Variants in DDX60 observed in about 807,000 individuals in gnomAD.
DDX60 encodes probable ATP-dependent RNA helicase DDX60.
In DDX60, 165 loss-of-function variants were observed where a neutral mutation model predicts 212.8. The observed-to-expected ratio is 0.78, with a 90% confidence interval of 0.68 to 0.88. DDX60 has a LOEUF of 0.88. DDX60 is among the 40% of genes least tolerant of loss of function. DDX60 has a pLI of 0.00. For missense variants in DDX60, 1,905 were observed against 2,003.9 expected (o/e 0.95, Z 0.94); for synonymous variants, 703 against 685.3 (o/e 1.03, Z -0.40).
chr4:168,325,524 AATTT>A, the DDX60 span, among the ~76,000 whole-genome samples: 4 of 152,254 alleles, frequency 2.6e-5, no homozygotes, highest in Non-Finnish European at 4.4e-5. Context: ...TGTCAATAAC[AATTT>A]ATTTACAGAA....
In DDX60 at chr4:168,283,592, G is replaced by T; in HGVS notation, c.1576C>A (p.Pro526Thr). The change falls in exon 13 of 38, where the codon CCT becomes ACT. Residue 526 changes from proline to threonine, a missense_variant. Physicochemically the swap from Pro to Thr is conservative, Grantham distance 38. Transcript: ENST00000393743. Reference sequence around the variant, plus strand: ...TTTTGCACAGATCTAAGAACACGAGGGTCTCTAGATTTTTCTGAAAAAGAA... The same window carrying T: ...TTTTGCACAGATCTAAGAACACGAGTGTCTCTAGATTTTTCTGAAAAAGAA... Reference protein sequence around the residue: ...RCQFDEKSRDPRVLRSVQKYH... With the variant: ...RCQFDEKSRDTRVLRSVQKYH... The T allele has an allele frequency of 6.3e-7, 1 of 1,594,954 alleles. No homozygotes were observed. Among genetic ancestry groups the T allele is most frequent in the Non-Finnish European group, 8.5e-7 (1 of 1,172,130 alleles).
intron 22 of DDX60, among the ~76,000 whole-genome samples, chr4:168,264,302 C>T (rs1396304461): frequency 1.3e-5 from 2 of 152,110 alleles, no homozygotes; most frequent in East Asian, 3.9e-4. Flanking sequence ...GAACGTAAAA[C>T]AATTCCTGGA....
intron 1 of DDX60, among the ~76,000 whole-genome samples, chr4:168,317,448 G>A (rs1237165188): frequency 1.3e-5 from 2 of 151,852 alleles, no homozygotes; most frequent in Admixed American, 6.6e-5. Flanking sequence ...GAAGAGGAAA[G>A]GCGCAAAGGG....
intron 33 of DDX60, among the ~76,000 whole-genome samples, chr4:168,229,326 A>G (rs1182676528): frequency 2.6e-5 from 4 of 152,028 alleles, no homozygotes; most frequent in Non-Finnish European, 5.9e-5. Context: ...GGTGTAGAGG[A>G]AGCAGTGGGA....
At position 168,305,132 on chromosome 4, in the gene DDX60, C is replaced by G. The variant is rs542243940; in HGVS notation, c.606+1247G>C. ...CTAGAGTACTCAATACAGTAACATG[C>G]TGTATAGGTTTAGCCTAGGAACAGT... On this transcript the variant is annotated intron_variant, in intron 5 of 37. Coordinates refer to ENST00000393743, the MANE Select transcript of DDX60 (RefSeq NM_017631.6). Among the ~76,000 whole-genome samples, 117 of 152,310 alleles carry G rather than the reference C, an allele frequency of 7.7e-4. 1 individual carries two copies. Among genetic ancestry groups the G allele is most frequent in the African/African-American group, 2.6e-3 (108 of 41,572 alleles).
rs1013886413 is a variant in DDX60 at position 168,249,039 on chromosome 4, C to T, written c.3859-747G>A. On this transcript the variant is annotated intron_variant, in intron 28 of 37. Coordinates refer to ENST00000393743, the MANE Select transcript of DDX60 (RefSeq NM_017631.6). ...CCTCCCAAAATGCTGGGATTACAGG[C>T]GTGAGCCACTGCGCCAGGCCCAGTA... Among the ~76,000 whole-genome samples, 2 of 152,110 alleles carry T rather than the reference C, an allele frequency of 1.3e-5. 1 individual carries two copies. Among genetic ancestry groups the T allele is most frequent in the East Asian group, 3.9e-4 (2 of 5,192 alleles).
chr4:168,288,224 T>C lies in DDX60; in HGVS notation c.1133A>G (p.Glu378Gly). The C allele has an allele frequency of 1.3e-6, 2 of 1,523,486 alleles. No homozygotes were observed. The highest frequency in any genetic ancestry group is 1.8e-6 in the Non-Finnish European group (2 of 1,115,180). 94.4% of individuals were successfully genotyped at this position (1,523,486 alleles called of 1,614,324 possible). A position where few individuals can be genotyped will look rare whatever the true frequency, so the allele number is the denominator to read the frequency against. ...NLIHLSDLNDELLLKNIAFYY... is the reference protein window; with the variant it reads ...NLIHLSDLNDGLLLKNIAFYY... ...AAAAGCAATATTCTTCAACAAAAGCTCATCATTTAAGTCAGAAAGGTGAAT... is the reference window on the plus strand; with the variant it reads ...AAAAGCAATATTCTTCAACAAAAGCCCATCATTTAAGTCAGAAAGGTGAAT... The change falls in exon 9 of 38, where the codon GAG (glutamate) becomes GGG (glycine). Residue 378 changes from glutamate (E) to glycine (G), a missense_variant. By Grantham distance (98) the Glu-to-Gly change is moderately conservative. Coordinates refer to ENST00000393743, the MANE Select transcript of DDX60 (RefSeq NM_017631.6).
intron 30 of DDX60, among the ~76,000 whole-genome samples, chr4:168,239,001 A>G (rs2149497709): frequency 6.6e-6 from 1 of 152,260 alleles, no homozygotes; most frequent in East Asian, 1.9e-4. Flanking sequence ...AATTTCATAC[A>G]TCCTATTGCT....
intron 16 of DDX60, among the ~76,000 whole-genome samples, chr4:168,274,753 C>G (rs1468609209): frequency 7.4e-6 from 1 of 134,830 alleles, no homozygotes; most frequent in Admixed American, 7.1e-5. Flanking sequence ...TTAACCTACC[C>G]CACCATCATA....
Position 168,284,836 on chromosome 4 carries a change from G to A in DDX60, c.1545C>T (p.Ser515=). The change falls in exon 12 of 38, where the codon TCC becomes TCT. Residue 515 remains serine, a synonymous_variant. Coordinates refer to ENST00000393743, the MANE Select transcript of DDX60 (RefSeq NM_017631.6). ...AGAGCTTACCATCAAACTGACACCT[G>A]GACCTGTCATAATCATCACTCAGGG... is the stretch of plus-strand genomic sequence containing the variant. ...HKPLSDDYDR[S]RCQFDEKSRD... 1 of 1,549,780 alleles carries A rather than the reference G, an allele frequency of 6.5e-7. No individual in the cohort carries two copies.
chr4:168,286,389 T>TACACACACACACACAC (rs71867661), intron 10 of DDX60, among the ~76,000 whole-genome samples: 7,058 of 133,558 alleles, frequency 0.053, 331 homozygotes, highest in African/African-American at 0.12. Flanking sequence ...CTTGATTTTA[T>TACACACACACACACAC]ACACACACAC....
At chr4:168,263,477 G>A (rs979734195) in intron 22 of DDX60, 4 of 152,216 alleles carry the variant, frequency 2.6e-5, no homozygotes, top group African/African-American at 9.7e-5. Context: ...TCTCTGAGAT[G>A]TTAATAGGAA....
chr4:168,240,076 C>G (rs1167932133), intron 30 of DDX60, among the ~76,000 whole-genome samples: 2 of 151,908 alleles, frequency 1.3e-5, no homozygotes, highest in Admixed American at 6.6e-5. Flanking sequence ...CTAGAAAACC[C>G]CATCATCTCA....
At chr4:168,282,271 T>G (rs759303619) in intron 13 of DDX60, among the ~76,000 whole-genome samples, 1 of 152,104 alleles carries the variant, frequency 6.6e-6, no homozygotes, top group Non-Finnish European at 1.5e-5. Flanking sequence ...TTAGAGTAAT[T>G]TGTGATTATT....
chr4:168,272,988 A>G (rs1409182021), intron 18 of DDX60, among the ~76,000 whole-genome samples: 23 of 152,224 alleles, frequency 1.5e-4, no homozygotes, highest in Non-Finnish European at 1.5e-5. Context: ...TTAATTTTCT[A>G]TAACATAGCA....
chr4:168,292,044 T>TATTTATTTC, intron 7 of DDX60, 138 bp from the exon 8 acceptor site: 1 of 483,072 alleles, frequency 2.1e-6, no homozygotes, highest in Non-Finnish European at 3.2e-6. Context: ...TTTCTTTCTT[T>TATTTATTTC]CTTTCTTTTT....
upstream of DDX60, among the ~76,000 whole-genome samples, chr4:168,322,279 G>T (rs1371779721): frequency 6.6e-6 from 1 of 152,092 alleles, no homozygotes; most frequent in African/African-American, 2.4e-5. Context: ...TCTCTGTAAG[G>T]ATCAGCAGAA....
At chr4:168,243,863 A>G (rs1374011391) in intron 30 of DDX60, among the ~76,000 whole-genome samples, 1 of 152,208 alleles carries the variant, frequency 6.6e-6, no homozygotes. Flanking sequence ...CCAAATGCCC[A>G]TTAACAATAG....
chr4:168,325,036 A>ATTT, the DDX60 span, among the ~76,000 whole-genome samples: 1 of 152,190 alleles, frequency 6.6e-6, no homozygotes, highest in South Asian at 2.1e-4. Flanking sequence ...ATTATAGCAG[A>ATTT]TTTTTTTAAA....
Sources: gnomAD v4.1 joint callset for allele counts (sites outside exome capture counted in the v4.1 genomes callset) on GRCh38, gnomAD v4.1.1 for gene constraint, MANE v1.5 for transcripts, NCBI Gene and HGNC (gene_info 2026-07-23, HGNC 2026-07-21) for gene names.